The following COL13A1 variants were observed in gnomAD, a reference collection of about 807,000 sequenced individuals.
COL13A1 encodes collagen type XIII alpha 1 chain, also known as collagen alpha-1(XIII) chain.
In COL13A1, 89 loss-of-function variants were observed where a neutral mutation model predicts 130.9. That is an observed-to-expected ratio of 0.68 (90% CI 0.57 to 0.81). COL13A1 has a LOEUF of 0.81. COL13A1 is among the 30% of genes least tolerant of loss of function. COL13A1 has a pLI of 0.00. For missense variants in COL13A1, 879 were observed against 934.6 expected (o/e 0.94, Z 0.78); for synonymous variants, 402 against 341.6 (o/e 1.18, Z -1.95).
At chr10:69,912,339 C>A (rs1374340828) in intron 17 of COL13A1, among the ~76,000 whole-genome samples, 1 of 152,214 alleles carries the variant, frequency 6.6e-6, no homozygotes, top group East Asian at 1.9e-4. Context: ...GCCCTAATTA[C>A]AGGAGGAACT....
In COL13A1 at chr10:69,850,033, G is replaced by C. The variant is rs150953131; in HGVS notation, c.365-17765G>C. The stretch of plus-strand genomic sequence containing the variant: ...TTGCAGAGCCTGAACACATAGTGAC[G>C]GTGACAGACATTAGCTGGTGGCTGC... On this transcript the variant is annotated intron_variant, in intron 2 of 40. Coordinates refer to ENST00000645393, the MANE Select transcript of COL13A1 (RefSeq NM_001368882.1). Among the ~76,000 whole-genome samples, 118 of 152,194 alleles carry C rather than the reference G, an allele frequency of 7.8e-4. No individual in the cohort carries two copies. In the East Asian group the frequency reaches 0.023, roughly 29 times the overall value.
At chr10:69,947,370 C>G (rs768694971) in intron 38 of COL13A1, 28 bp downstream of exon 38, 19 of 1,597,540 alleles carry the variant, frequency 1.2e-5, no homozygotes, top group Non-Finnish European at 1.6e-5. Context: ...CACTCGTGCT[C>G]TAGTTACTAA....
At chr10:69,895,350 G>A (rs1264982591) in intron 12 of COL13A1, among the ~76,000 whole-genome samples, 200 bp from the exon 13 acceptor site, 2 of 152,202 alleles carry the variant, frequency 1.3e-5, no homozygotes, top group African/African-American at 4.8e-5. Context: ...GGCAGGCCAT[G>A]GAAGTTTCTT....
At position 69,923,856 on chromosome 10, in the gene COL13A1, G is replaced by A. The variant is rs1236369546; in HGVS notation, c.1284+1G>A. 3 of 1,611,752 alleles carry A rather than the reference G, an allele frequency of 1.9e-6. No homozygotes were observed. In the Admixed American group the frequency reaches 5.0e-5, roughly 27 times the overall value. On this transcript the variant is annotated splice_donor_variant, in intron 24 of 40. Coordinates refer to ENST00000645393, the MANE Select transcript of COL13A1 (RefSeq NM_001368882.1). LOFTEE classifies it high-confidence loss of function. ...CCCCCCAGGGCAGCCAGGAGACAAG[G>A]TACAGAGACCCCCACATCCCAGAGC...
At chr10:69,926,243 C>A (rs77022510) in intron 26 of COL13A1, among the ~76,000 whole-genome samples, 4,188 of 152,326 alleles carry the variant, frequency 0.027, 86 homozygotes, top group South Asian at 0.088. Flanking sequence ...CATGCAGCAG[C>A]AAATCTTCCT....
At chr10:69,810,346 A>AAGAGAGAGAG (rs1564723791) in intron 1 of COL13A1, among the ~76,000 whole-genome samples, 7 of 71,210 alleles carry the variant, frequency 9.8e-5, no homozygotes, top group Admixed American at 1.7e-4. Flanking sequence ...GGCCCTGAGA[A>AAGAGAGAGAG]TGAGAGAGAG....
chr10:69,945,014 G>A (rs1001762739), intron 36 of COL13A1, among the ~76,000 whole-genome samples: 5 of 152,246 alleles, frequency 3.3e-5, no homozygotes, highest in Non-Finnish European at 5.9e-5. Context: ...CTGCTGGAAT[G>A]GGCATGTCCG....
chr10:69,893,862 A>G (rs1430317243), intron 10 of COL13A1, among the ~76,000 whole-genome samples: 1 of 152,124 alleles, frequency 6.6e-6, no homozygotes, highest in Non-Finnish European at 1.5e-5. Flanking sequence ...CCCATAAGGC[A>G]TTTGTTTTCT....
chr10:69,875,165 T>G lies in COL13A1; in HGVS notation c.435+2T>G, dbSNP rs745399967. The G allele has an allele frequency of 7.4e-6, 12 of 1,613,880 alleles. No homozygotes were observed. In the Admixed American group the frequency reaches 2.0e-4, roughly 27 times the overall value. On this transcript the variant is annotated splice_donor_variant, in intron 5 of 40. Transcript: ENST00000645393. LOFTEE classifies it high-confidence loss of function. ...GCCATTGGGATGCCTGGACGTGTGG[T>G]GAGTTGGCCCGTTTGTACCTGCTCA...
At chr10:69,950,956 C>A (rs1270822081) in intron 38 of COL13A1, among the ~76,000 whole-genome samples, 1 of 152,188 alleles carries the variant, frequency 6.6e-6, no homozygotes, top group South Asian at 2.1e-4. Flanking sequence ...TCAAGCGATT[C>A]TCCTGCCTCA....
intron 6 of COL13A1, among the ~76,000 whole-genome samples, chr10:69,879,237 C>T (rs1042624760): frequency 2.6e-5 from 4 of 152,196 alleles, no homozygotes; most frequent in African/African-American, 9.7e-5. Flanking sequence ...ATTCTGTCCT[C>T]ATATTGGAAC....
At chr10:69,854,288 G>A (rs12573478) in intron 2 of COL13A1, among the ~76,000 whole-genome samples, 34,993 of 152,168 alleles carry the variant, frequency 0.23, 4,580 homozygotes, top group East Asian at 0.35. Flanking sequence ...GGTTTCAGCC[G>A]GGTGCTGTGG....
chr10:69,889,023 T>TACTCCCCAACTGCAGG (rs1245540564), intron 9 of COL13A1, among the ~76,000 whole-genome samples: 1 of 152,158 alleles, frequency 6.6e-6, no homozygotes, highest in Non-Finnish European at 1.5e-5. Context: ...ACCACCCAGT[T>TACTCCCCAACTGCAGG]ACTCCCCAAC....
At chr10:69,898,295 G>A (rs2061855677) in intron 13 of COL13A1, among the ~76,000 whole-genome samples, 1 of 152,238 alleles carries the variant, frequency 6.6e-6, no homozygotes, top group Non-Finnish European at 1.5e-5. Context: ...GGGGCTGGCA[G>A]TGCAACGTTG....
chr10:69,804,645 G>A (rs1257195489), intron 1 of COL13A1, among the ~76,000 whole-genome samples: 1 of 112,586 alleles, frequency 8.9e-6, no homozygotes, highest in Non-Finnish European at 1.9e-5. Flanking sequence ...GCTGTATCCT[G>A]CCACCTTTTT....
intron 16 of COL13A1, 151 bp from the exon 17 acceptor site, chr10:69,905,636 T>C: frequency 1.2e-6 from 1 of 809,668 alleles, no homozygotes; most frequent in Non-Finnish European, 2.1e-6. Context: ...CTAAGAGCTA[T>C]TGCTCCTGGG....
chr10:69,888,479 C>T (rs1589309504), intron 9 of COL13A1, 149 bp downstream of exon 9: 1 of 1,129,688 alleles, frequency 8.9e-7, no homozygotes, highest in Non-Finnish European at 1.3e-6. Context: ...GTGGAGGGGG[C>T]CATTTGAGTC....
intron 1 of COL13A1, among the ~76,000 whole-genome samples, chr10:69,805,522 C>T (rs1294965178): frequency 6.6e-6 from 1 of 152,212 alleles, no homozygotes; most frequent in Non-Finnish European, 1.5e-5. Context: ...TATATTTAAA[C>T]TAACTAAAAT....
intron 2 of COL13A1, among the ~76,000 whole-genome samples, chr10:69,827,705 G>A (rs1192102152): frequency 6.6e-6 from 1 of 152,124 alleles, no homozygotes; most frequent in East Asian, 1.9e-4. Context: ...CTCCAGCCTT[G>A]GTTGTTTTTC....
Sources: gnomAD v4.1 joint callset for allele counts (sites outside exome capture counted in the v4.1 genomes callset) on GRCh38, gnomAD v4.1.1 for gene constraint, MANE v1.5 for transcripts, NCBI Gene and HGNC (gene_info 2026-07-23, HGNC 2026-07-21) for gene names.